Variants in ARSG observed in about 807,000 individuals in gnomAD.
ARSG encodes arylsulfatase G, also known as ASG.
Under a neutral mutation model 50.5 loss-of-function variants are expected in ARSG, and 37 were observed. The observed-to-expected ratio is 0.73, with a 90% CI of 0.56 to 0.96. ARSG has a LOEUF of 0.96. Ranked by LOEUF, ARSG falls within the 50% of genes least tolerant of loss-of-function variation. ARSG has a pLI of 0.00. For synonymous variants in ARSG, 225 were observed against 254.6 expected (o/e 0.88, Z 1.11); for missense variants, 629 against 675.3 (o/e 0.93, Z 0.76).
At chr17:68,334,704 G>A (rs1390338946) in intron 2 of ARSG, among the ~76,000 whole-genome samples, 1 of 151,986 alleles carries the variant, frequency 6.6e-6, no homozygotes, top group Non-Finnish European at 1.5e-5. Context: ...ACATCTCCAC[G>A]GGGAAGGTCT....
intron 2 of ARSG, among the ~76,000 whole-genome samples, chr17:68,311,384 G>T (rs1599667969): frequency 6.6e-6 from 1 of 152,254 alleles, no homozygotes; most frequent in East Asian, 1.9e-4. Context: ...GATGGTCCTT[G>T]CTGCTTTCTG....
At chr17:68,345,588 G>A (rs2078465992) in intron 3 of ARSG, among the ~76,000 whole-genome samples, 1 of 152,142 alleles carries the variant, frequency 6.6e-6, no homozygotes, top group African/African-American at 2.4e-5. Flanking sequence ...ATGAACTAAA[G>A]TACACTTTTA....
At chr17:68,408,338 T>C (rs1318136852) in intron 11 of ARSG, among the ~76,000 whole-genome samples, 1 of 140,188 alleles carries the variant, frequency 7.1e-6, no homozygotes, top group African/African-American at 2.7e-5. Flanking sequence ...TGTGTTCTCA[T>C]TGTTCAATTC....
chr17:68,356,608 A>T, intron 5 of ARSG, 59 bp from the exon 6 acceptor site: 2 of 1,594,544 alleles, frequency 1.3e-6, no homozygotes, highest in South Asian at 2.2e-5. Flanking sequence ...TAAAGCATTT[A>T]GTTCTGCTCC....
the ARSG span, among the ~76,000 whole-genome samples, chr17:68,431,782 G>GGCCCATGAGAGCCAT: frequency 1.3e-5 from 2 of 152,212 alleles, no homozygotes; most frequent in Admixed American, 6.5e-5. Flanking sequence ...GTTGAGCGGA[G>GGCCCATGAGAGCCAT]AACCCAGAAC....
At position 68,379,772 on chromosome 17, in the gene ARSG, A is replaced by G. The variant is rs118045465; in HGVS notation, c.983-5292A>G. 1,593 of 950,640 alleles carry G rather than the reference A, an allele frequency of 1.7e-3. 2 individuals are homozygous for G. The highest frequency in any genetic ancestry group is 0.012 in the Middle Eastern group (23 of 1,844). 58.9% of individuals were successfully genotyped at this position (950,640 alleles called of 1,614,324 possible). A position where few individuals can be genotyped will look rare whatever the true frequency, so the allele number is the denominator to read the frequency against. ...ACCCTGTCGAATGACATTCAGCATT[A>G]GTTAAATGAAAAACACTAGGCATGC... is the stretch of plus-strand genomic sequence containing the variant. On this transcript the variant is annotated intron_variant, in intron 8 of 11. Coordinates refer to ENST00000621439, the MANE Select transcript of ARSG (RefSeq NM_001267727.2).
In ARSG at chr17:68,350,277, G is replaced by A. The variant is rs146622225; in HGVS notation, c.455-1298G>A. On this transcript the variant is annotated intron_variant, in intron 4 of 11. Coordinates refer to ENST00000621439, the MANE Select transcript of ARSG (RefSeq NM_001267727.2). ...TAGAGAGGGCCAAAAACGATTTGGA[G>A]GGGCAGGAGTTGAAGCTGAAAACAC... Among the ~76,000 whole-genome samples the A allele has an allele frequency of 1.5e-3, 235 of 152,278 alleles. 2 individuals carry two copies. Among genetic ancestry groups the A allele is most frequent in the African/African-American group, 5.3e-3 (219 of 41,550 alleles).
rs782440974 is a variant in ARSG, at chr17:68,301,703, C to T, written c.-551-5240C>T. Among the ~76,000 whole-genome samples, 59 of 149,824 alleles carry T rather than the reference C, an allele frequency of 3.9e-4. 1 individual carries two copies. The highest frequency in any genetic ancestry group is 2.7e-3 in the Admixed American group (40 of 14,762). On this transcript the variant is annotated intron_variant, in intron 1 of 11. Transcript: ENST00000621439. ...AATCCCTCTGGCTTCCCATCTCTCG[C>T]AGCAAAAGCCTTTCTTTCCTCTCTG...
At chr17:68,419,606 C>T (rs1468841814) in intron 11 of ARSG, among the ~76,000 whole-genome samples, 2 of 151,972 alleles carry the variant, frequency 1.3e-5, no homozygotes, top group Non-Finnish European at 2.9e-5. Flanking sequence ...GATTTTGTGT[C>T]AATAAAGATA....
chr17:68,276,574 G>C (rs2145037573), intron 1 of ARSG, among the ~76,000 whole-genome samples: 1 of 152,156 alleles, frequency 6.6e-6, no homozygotes, highest in East Asian at 1.9e-4. Context: ...GCAGCCTCCT[G>C]AGTAGCTGGG....
chr17:68,426,249 C>CGGG (rs1316424396), downstream of ARSG: 47 of 787,852 alleles, frequency 6.0e-5, 4 homozygotes, highest in East Asian at 5.7e-4. Context: ...GGGTGGGGAG[C>CGGG]GGGGGCTCAA....
chr17:68,331,430 G>A (rs1354054828), intron 2 of ARSG, among the ~76,000 whole-genome samples: 1 of 152,052 alleles, frequency 6.6e-6, no homozygotes, highest in African/African-American at 2.4e-5. Flanking sequence ...ATTTTTAGTA[G>A]AGACGGGGTT....
chr17:68,381,979 G>C lies in ARSG; in HGVS notation c.983-3085G>C, dbSNP rs2080454910. 7.9e-6 allele frequency among the ~76,000 whole-genome samples: 1 copy of C among 125,906 alleles called. No individual in the cohort carries two copies. The highest frequency in any genetic ancestry group is 2.7e-4 in the South Asian group (1 of 3,750). 82.6% of individuals were successfully genotyped at this position (125,906 alleles called of 152,430 possible). On this transcript the variant is annotated intron_variant, in intron 8 of 11. Transcript: ENST00000621439. The surrounding 1 kb of genome is among the most constrained non-coding windows in gnomAD (Gnocchi z 4.1). ...TTCTTTCCTTTTTTTTTTTTTGACA[G>C]AGTCTCTGTCGTGCAGGCTGGAGTG...
intron 1 of ARSG, among the ~76,000 whole-genome samples, chr17:68,284,812 T>C (rs2145157518): frequency 6.6e-6 from 1 of 152,336 alleles, no homozygotes; most frequent in East Asian, 1.9e-4. Flanking sequence ...AGGCATAAGA[T>C]GCTGTAAGAT....
intron 1 of ARSG, chr17:68,273,939 C>T (rs782397998): frequency 1.9e-6 from 3 of 1,613,994 alleles, no homozygotes; most frequent in South Asian, 1.1e-5. Flanking sequence ...GAGATGATGC[C>T]GATGGCGACG....
At chr17:68,383,141 A>G (rs372450786) in intron 8 of ARSG, among the ~76,000 whole-genome samples, 2 of 152,202 alleles carry the variant, frequency 1.3e-5, no homozygotes, top group East Asian at 3.8e-4. Flanking sequence ...GCGTATTAGG[A>G]AAGTCAGTCA....
chr17:68,430,071 A>G, the ARSG span: 1 of 1,614,192 alleles, frequency 6.2e-7, no homozygotes, highest in Non-Finnish European at 8.5e-7. Flanking sequence ...CTGATGCATC[A>G]TGTCTGACAC....
In ARSG at chr17:68,370,502, T is replaced by C. The variant is rs1458013462; in HGVS notation, c.960T>C (p.Thr320=). The C allele has an allele frequency of 6.2e-6, 10 of 1,614,060 alleles. No individual in the cohort carries two copies. Among genetic ancestry groups the C allele is most frequent in the Non-Finnish European group, 7.6e-6 (9 of 1,180,000 alleles). ...CELAGSVGPF[T]GFWQTRQGGS... is the part of the protein sequence containing the mutation. ...TAGCGGGCAGTGTGGGTCCCTTCAC[T>C]GGATTTTGGCAAACTCGTCAAGGTA... The change falls in exon 8 of 12, where the codon ACT becomes ACC. Residue 320 remains threonine (T), a synonymous_variant. Transcript: ENST00000621439.
intron 10 of ARSG, 143 bp from the exon 11 acceptor site, chr17:68,401,217 C>T: frequency 2.9e-6 from 2 of 695,154 alleles, no homozygotes; most frequent in African/African-American, 1.8e-5. Flanking sequence ...AGGGAGGGGT[C>T]TTGCTGTGTT....
Sources: gnomAD v4.1 joint callset for allele counts (sites outside exome capture counted in the v4.1 genomes callset) on GRCh38, gnomAD v4.1.1 for gene constraint, Gnocchi (gnomAD v3.1) non-coding constraint, MANE v1.5 for transcripts, NCBI Gene and HGNC (gene_info 2026-07-23, HGNC 2026-07-21) for gene names.